Variants in TMEM150A observed in about 807,000 individuals in gnomAD.
TMEM150A encodes transmembrane protein 150A, also known as fasting-inducible integral membrane protein TM6P1.
A neutral mutation model predicts 29.8 loss-of-function variants in TMEM150A; 18 were observed. The ratio of observed to expected loss-of-function variants is 0.60; its 90% CI spans 0.42 to 0.90. The LOEUF is 0.90. TMEM150A is among the 40% of genes least tolerant of loss of function. The probability of loss-of-function intolerance (pLI) is 0.00; values close to 1 mark genes in which losing one functional copy is unlikely to be tolerated. For synonymous variants in TMEM150A, 127 were observed against 143.6 expected (o/e 0.88, Z 0.83); for missense variants, 251 against 349.7 (o/e 0.72, Z 2.25).
At chr2:85,600,914 G>T in intron 4 of TMEM150A, 107 bp downstream of exon 4, 2 of 997,990 alleles carry the variant, frequency 2.0e-6, no homozygotes, top group Non-Finnish European at 3.0e-6. Context: ...TTATTAAGTG[G>T]CTCTTAGGAT....
At position 85,601,941 on chromosome 2, in the gene TMEM150A, G is replaced by A. The variant is rs1423040238; in HGVS notation, c.8C>T (p.Ala3Val). 1 of 1,614,088 alleles carries A rather than the reference G, an allele frequency of 6.2e-7. No individual in the cohort carries two copies. The highest frequency in any genetic ancestry group is 8.5e-7 in the Non-Finnish European group (1 of 1,179,964). Residue 3 changes from alanine (A) to valine (V), a missense_variant, in exon 2 of 8, where the codon GCC (alanine) becomes GTC (valine). Physicochemically the swap from Ala to Val is moderately conservative, Grantham distance 64. Transcript: ENST00000334462. The surrounding 1 kb of genome is among the most constrained non-coding windows in gnomAD (Gnocchi z 4.0). MT[A>V]WILLPVSLSA... ...CAGGCTGACAGGCAGGAGGATCCAG[G>A]CGGTCATGAGGGAGGGGAGCCAGGG...
chr2:85,599,941 T>C lies in TMEM150A; in HGVS notation c.346A>G (p.Ile116Val), dbSNP rs1672837253. 2 of 1,612,930 alleles carry C rather than the reference T, an allele frequency of 1.2e-6. No homozygotes were observed. Among genetic ancestry groups the C allele is most frequent in the Non-Finnish European group, 1.7e-6 (2 of 1,179,874 alleles). ...CCCGCAGCGTTGGTGCAGCCTGTGA[T>C]GAGTGCCGTGGTGTTAACCCAAGAG... ...RHSWVNTTAL[I>V]TGCTNAAGLL... The change falls in exon 6 of 8, where the codon ATC (isoleucine) becomes GTC (valine). Residue 116 changes from isoleucine (I) to valine (V), a missense_variant. Coordinates refer to ENST00000334462, the MANE Select transcript of TMEM150A (RefSeq NM_001031738.3). This position sits in a 1 kb window ranked among gnomAD's most constrained non-coding sequence, Gnocchi z 6.0.
At position 85,601,307 on chromosome 2, in the gene TMEM150A, T is replaced by C; in HGVS notation, c.113+128A>G. On this transcript the variant is annotated intron_variant, in intron 3 of 7. Transcript: ENST00000334462. The surrounding 1 kb of genome is among the most constrained non-coding windows in gnomAD (Gnocchi z 4.0). ...TGGGTAGGTGGCAAGAAGCCATGCCTGGGGACCAATTTCAGAGAAGAGCAG... is the reference window on the plus strand; with the variant it reads ...TGGGTAGGTGGCAAGAAGCCATGCCCGGGGACCAATTTCAGAGAAGAGCAG... 7.5e-7 allele frequency: 1 copy of C among 1,334,706 alleles called. No homozygotes were observed. The highest frequency in any genetic ancestry group is 1.1e-6 in the Non-Finnish European group (1 of 926,424). 82.7% of individuals were successfully genotyped at this position (1,334,706 alleles called of 1,614,324 possible).
chr2:85,600,751 CTG>C, intron 4 of TMEM150A: 1 of 552,792 alleles, frequency 1.8e-6, no homozygotes, highest in East Asian at 3.0e-5. Context: ...CGCTTATTAG[CTG>C]TGTGACCTGG....
rs1025187061 is a variant in TMEM150A, at chr2:85,600,575, G to A, written c.201-163C>T. ...GTCCCTCATGAACAACTGGTTCCAGGCTGGGCCCCCAAAGCAGAGCTCATG... is the reference window on the plus strand; with the variant it reads ...GTCCCTCATGAACAACTGGTTCCAGACTGGGCCCCCAAAGCAGAGCTCATG... On this transcript the variant is annotated intron_variant, in intron 4 of 7. Coordinates refer to ENST00000334462, the MANE Select transcript of TMEM150A (RefSeq NM_001031738.3). The A allele has an allele frequency of 6.3e-6, 4 of 632,636 alleles. No homozygotes were observed. The Admixed American group carries it at 1.0e-4, about 16-fold the overall frequency. 39.2% of individuals were successfully genotyped at this position (632,636 alleles called of 1,614,324 possible).
At position 85,601,942 on chromosome 2, in the gene TMEM150A, C is replaced by T. The variant is rs140940980; in HGVS notation, c.7G>A (p.Ala3Thr). Residue 3 changes from alanine to threonine, a missense_variant, in exon 2 of 8, where the codon GCC becomes ACC. Coordinates refer to ENST00000334462, the MANE Select transcript of TMEM150A (RefSeq NM_001031738.3). The surrounding 1 kb of genome is among the most constrained non-coding windows in gnomAD (Gnocchi z 4.0). MT[A>T]WILLPVSLSA... Reference sequence around the variant, plus strand: ...AGGCTGACAGGCAGGAGGATCCAGGCGGTCATGAGGGAGGGGAGCCAGGGT... The same window carrying T: ...AGGCTGACAGGCAGGAGGATCCAGGTGGTCATGAGGGAGGGGAGCCAGGGT... 53 of 1,613,668 alleles carry T rather than the reference C, an allele frequency of 3.3e-5. No homozygotes were observed. In the African/African-American group the frequency reaches 5.9e-4, roughly 18 times the overall value.
Position 85,599,598 on chromosome 2 carries a change from G to T in TMEM150A, c.501C>A (p.Thr167=). 1 of 1,613,874 alleles carries T rather than the reference G, an allele frequency of 6.2e-7. No individual in the cohort carries two copies. Among genetic ancestry groups the T allele is most frequent in the Admixed American group, 1.7e-5 (1 of 60,014 alleles). ...AGGCCACAGCCAGGTCCAGCGGGGC[G>T]GTGGCCCCTTGGTAGGAGAGAGCAC... ...LHCALSYQGA[T]APLDLAVAYL... Residue 167 remains threonine, a synonymous_variant, in exon 7 of 8, where the codon ACC becomes ACA. Transcript: ENST00000334462. This position sits in a 1 kb window ranked among gnomAD's most constrained non-coding sequence, Gnocchi z 6.0.
At position 85,601,518 on chromosome 2, in the gene TMEM150A, C is replaced by T. The variant is rs375934037; in HGVS notation, c.66-36G>A. On this transcript the variant is annotated intron_variant, in intron 2 of 7. Transcript: ENST00000334462. The surrounding 1 kb of genome is among the most constrained non-coding windows in gnomAD (Gnocchi z 4.0). The stretch of plus-strand genomic sequence containing the variant: ...AGAACTGTCACCCTGGCAGCCTTCC[C>T]GAGCCCCACTCAACCCACCCCATGA... The T allele has an allele frequency of 8.1e-6, 13 of 1,604,154 alleles. No homozygotes were observed. Among genetic ancestry groups the T allele is most frequent in the South Asian group, 3.3e-5 (3 of 90,754 alleles).
Position 85,601,331 on chromosome 2 carries a change from A to C in TMEM150A, c.113+104T>G. The C allele has an allele frequency of 7.0e-7, 1 of 1,420,938 alleles. No homozygotes were observed. Among genetic ancestry groups the C allele is most frequent in the Non-Finnish European group, 1.0e-6 (1 of 1,004,584 alleles). The allele number at this position is 1,420,938 out of a possible 1,614,324, so 88.0% of individuals were successfully genotyped here. On this transcript the variant is annotated intron_variant, in intron 3 of 7. Coordinates refer to ENST00000334462, the MANE Select transcript of TMEM150A (RefSeq NM_001031738.3). This position sits in a 1 kb window ranked among gnomAD's most constrained non-coding sequence, Gnocchi z 4.0. ...CTGGGGACCAATTTCAGAGAAGAGC[A>C]GTGAGGCTCAGGGTTGCAGTCTGGC...
Position 85,599,648 on chromosome 2 carries a change from C to T in TMEM150A, c.451G>A (p.Gly151Arg). The T allele has an allele frequency of 6.2e-7, 1 of 1,613,700 alleles. No homozygotes were observed. Among genetic ancestry groups the T allele is most frequent in the Non-Finnish European group, 8.5e-7 (1 of 1,180,012 alleles). The change falls in exon 7 of 8, where the codon GGG (glycine) becomes AGG (arginine). Residue 151 changes from glycine to arginine, a missense_variant. Physicochemically the swap from Gly to Arg is moderately radical, Grantham distance 125. Coordinates refer to ENST00000334462, the MANE Select transcript of TMEM150A (RefSeq NM_001031738.3). This position sits in a 1 kb window ranked among gnomAD's most constrained non-coding sequence, Gnocchi z 6.0. The stretch of plus-strand genomic sequence containing the variant: ...CAGTGCAGGCAAACAAAGAGCAGCC[C>T]CGCAGGGAAGGCCACGCCAGCTCCA... Reference protein sequence around the residue: ...YVGAGVAFPAGLLFVCLHCAL... With the variant: ...YVGAGVAFPARLLFVCLHCAL...
At position 85,602,122 on chromosome 2, in the gene TMEM150A, A is replaced by AG; in HGVS notation, c.-116-59dup. The AG allele has an allele frequency of 1.6e-6, 1 of 613,452 alleles. No homozygotes were observed. Among genetic ancestry groups the AG allele is most frequent in the South Asian group, 1.8e-5 (1 of 55,956 alleles). The allele number at this position is 613,452 out of a possible 1,614,324, so 38.0% of individuals were successfully genotyped here. A position where few individuals can be genotyped will look rare whatever the true frequency, so the allele number is the denominator to read the frequency against. On this transcript the variant is annotated intron_variant, in intron 1 of 7. Coordinates refer to ENST00000334462, the MANE Select transcript of TMEM150A (RefSeq NM_001031738.3). This position sits in a 1 kb window ranked among gnomAD's most constrained non-coding sequence, Gnocchi z 5.6. ...TAACTGGCCGGGAAGGGGGAGGGGA[A>AG]GGGGGTCAACACCTTATCCAGCGCT...
In TMEM150A at chr2:85,599,784, TCTTC is replaced by T; in HGVS notation, c.397-86_397-83del. On this transcript the variant is annotated intron_variant, in intron 6 of 7. Coordinates refer to ENST00000334462, the MANE Select transcript of TMEM150A (RefSeq NM_001031738.3). This position sits in a 1 kb window ranked among gnomAD's most constrained non-coding sequence, Gnocchi z 6.0. ...TCCTTCAATGAATCTCCTCTCTCCC[TCTTC>T]CTTCCTCTCCCTCTTTCCAGCCCCA... The T allele has an allele frequency of 1.3e-6, 2 of 1,597,900 alleles. No individual in the cohort carries two copies. The highest frequency in any genetic ancestry group is 1.7e-6 in the Non-Finnish European group (2 of 1,171,016).
At position 85,601,785 on chromosome 2, in the gene TMEM150A, C is replaced by T. The variant is rs1008650486; in HGVS notation, c.65+99G>A. The stretch of plus-strand genomic sequence containing the variant: ...GCACCAAGTCAGGCTTTTGAGACAC[C>T]CAGAGTGACCCTGGGTACCACCGTG... On this transcript the variant is annotated intron_variant, in intron 2 of 7. Transcript: ENST00000334462. This position sits in a 1 kb window ranked among gnomAD's most constrained non-coding sequence, Gnocchi z 4.0. 5.9e-5 allele frequency: 84 copies of T among 1,413,864 alleles called. No individual in the cohort carries two copies. Among genetic ancestry groups the T allele is most frequent in the Admixed American group, 1.6e-4 (9 of 56,222 alleles). 87.6% of individuals were successfully genotyped at this position (1,413,864 alleles called of 1,614,324 possible). A position where few individuals can be genotyped will look rare whatever the true frequency, so the allele number is the denominator to read the frequency against.
rs1672801106 is a variant in TMEM150A, at chr2:85,599,371, C to T, written c.575-54G>A. The T allele has an allele frequency of 6.2e-7, 1 of 1,604,366 alleles. No homozygotes were observed. Among genetic ancestry groups the T allele is most frequent in the African/African-American group, 1.3e-5 (1 of 74,632 alleles). ...AGGACATACGGAAACCTGGCAACAC[C>T]CCTTCTGCAGTCTCAGGCCTCACCT... is the stretch of plus-strand genomic sequence containing the variant. On this transcript the variant is annotated intron_variant, in intron 7 of 7. Coordinates refer to ENST00000334462, the MANE Select transcript of TMEM150A (RefSeq NM_001031738.3). This position sits in a 1 kb window ranked among gnomAD's most constrained non-coding sequence, Gnocchi z 6.0.
Position 85,601,702 on chromosome 2 carries a change from A to T in TMEM150A, c.65+182T>A. The T allele has an allele frequency of 1.1e-6, 1 of 877,984 alleles. No homozygotes were observed. The highest frequency in any genetic ancestry group is 1.8e-6 in the Non-Finnish European group (1 of 549,664). The allele number at this position is 877,984 out of a possible 1,614,324, so 54.4% of individuals were successfully genotyped here. On this transcript the variant is annotated intron_variant, in intron 2 of 7. Transcript: ENST00000334462. This position sits in a 1 kb window ranked among gnomAD's most constrained non-coding sequence, Gnocchi z 4.0. ...TGCCCTGGCTAGAAGTATATTTGTC[A>T]GGGCCACCCTGCTGGACAGCAGTGG...
chr2:85,601,742 A>C lies in TMEM150A; in HGVS notation c.65+142T>G. The stretch of plus-strand genomic sequence containing the variant: ...GACAGCAGTGGTGCCAGCTTGTCCC[A>C]AGGGGCTGTGTGCCCAGGCACCAAG... On this transcript the variant is annotated intron_variant, in intron 2 of 7. Transcript: ENST00000334462. The surrounding 1 kb of genome is among the most constrained non-coding windows in gnomAD (Gnocchi z 4.0). 1 of 1,037,036 alleles carries C rather than the reference A, an allele frequency of 9.6e-7. No individual in the cohort carries two copies. Among genetic ancestry groups the C allele is most frequent in the Non-Finnish European group, 1.5e-6 (1 of 683,454 alleles). The allele number at this position is 1,037,036 out of a possible 1,614,324, so 64.2% of individuals were successfully genotyped here.
In TMEM150A at chr2:85,601,479, A is replaced by G. The variant is rs1672954173; in HGVS notation, c.69T>C (p.Tyr23=). The G allele has an allele frequency of 6.2e-6, 10 of 1,612,600 alleles. No homozygotes were observed. Among genetic ancestry groups the G allele is most frequent in the Non-Finnish European group, 8.5e-6 (10 of 1,179,844 alleles). ...AFSITGIWTV[Y]AMAVMNHHVC... Reference sequence around the variant, plus strand: ...CATGGTGGTTCATCACAGCCATGGCATACCTGTGGGAACAGAACTGTCACC... The same window carrying G: ...CATGGTGGTTCATCACAGCCATGGCGTACCTGTGGGAACAGAACTGTCACC... The change falls in exon 3 of 8, where the codon TAT becomes TAC. Residue 23 remains tyrosine (Y), a synonymous_variant. Transcript: ENST00000334462. This position sits in a 1 kb window ranked among gnomAD's most constrained non-coding sequence, Gnocchi z 4.0.
chr2:85,599,215 C>G lies in TMEM150A; in HGVS notation c.677G>C (p.Ser226Thr). The change falls in exon 8 of 8, where the codon AGC becomes ACC. Residue 226 changes from serine to threonine, a missense_variant. Transcript: ENST00000334462. The surrounding 1 kb of genome is among the most constrained non-coding windows in gnomAD (Gnocchi z 6.0). ...IDILIFYGTFSYEFGAVSSDT... is the reference protein window; with the variant it reads ...IDILIFYGTFTYEFGAVSSDT... ...TGAGGAGACTGCCCCAAACTCGTAG[C>G]TGAAGGTGCCATAGAAAATGAGGAT... 6.2e-7 allele frequency: 1 copy of G among 1,613,942 alleles called. No individual in the cohort carries two copies. The highest frequency in any genetic ancestry group is 8.5e-7 in the Non-Finnish European group (1 of 1,180,008).
chr2:85,602,044 A>C lies in TMEM150A; in HGVS notation c.-96T>G, dbSNP rs989419933. 7 of 1,101,076 alleles carry C rather than the reference A, an allele frequency of 6.4e-6. No individual in the cohort carries two copies. The Admixed American group carries it at 1.2e-4, about 19-fold the overall frequency. The allele number at this position is 1,101,076 out of a possible 1,614,324, so 68.2% of individuals were successfully genotyped here. Reference sequence around the variant, plus strand: ...CCAGCTACCTTGAGATGTTTCTGCCACAACCATCAGCTGTCCTGGCCTGGT... The same window carrying C: ...CCAGCTACCTTGAGATGTTTCTGCCCCAACCATCAGCTGTCCTGGCCTGGT... On this transcript the variant is annotated 5_prime_UTR_variant, in exon 2 of 8. Coordinates refer to ENST00000334462, the MANE Select transcript of TMEM150A (RefSeq NM_001031738.3). The surrounding 1 kb of genome is among the most constrained non-coding windows in gnomAD (Gnocchi z 5.6).
Sources: allele counts gnomAD v4.1 joint callset, GRCh38; gene constraint gnomAD v4.1.1; non-coding constraint Gnocchi (gnomAD v3.1); transcripts MANE v1.5; gene names NCBI Gene and HGNC (gene_info 2026-07-23, HGNC 2026-07-21).